ADAMTS6: variants seen among roughly 807,000 people sequenced by gnomAD.
The protein encoded by ADAMTS6 is ADAM metallopeptidase with thrombospondin type 1 motif 6, also known as A disintegrin and metalloproteinase with thrombospondin motifs 6.
Under a neutral mutation model 144.3 loss-of-function variants are expected in ADAMTS6, and 23 were observed. The observed-to-expected ratio is 0.16, with a 90% CI of 0.11 to 0.23. The LOEUF (loss-of-function observed/expected upper bound fraction) is 0.23. Among genes scored for constraint, ADAMTS6 ranks in the 10% least tolerant of loss-of-function variants. ADAMTS6 has a pLI of 1.00. For synonymous variants in ADAMTS6, 444 were observed against 457.5 expected (o/e 0.97, Z 0.38); for missense variants, 999 against 1,379.6 (o/e 0.72, Z 4.37).
intron 7 of ADAMTS6, among the ~76,000 whole-genome samples, chr5:65,414,968 G>GA (rs777754551): frequency 2.6e-5 from 4 of 151,732 alleles, no homozygotes; most frequent in Non-Finnish European, 5.9e-5. Context: ...AGTAATGAAA[G>GA]AAAAAAACAG....
At chr5:65,423,562 A>G (rs955830732) in intron 7 of ADAMTS6, among the ~76,000 whole-genome samples, 3 of 152,146 alleles carry the variant, frequency 2.0e-5, no homozygotes, top group Non-Finnish European at 4.4e-5. Flanking sequence ...AATCTTCAAT[A>G]CCATCAGCTG....
Position 65,225,001 on chromosome 5 carries a change from C to G in ADAMTS6, c.2114G>C (p.Arg705Thr), listed in dbSNP as rs755911694. 6 of 1,614,134 alleles carry G rather than the reference C, an allele frequency of 3.7e-6. No homozygotes were observed. The highest frequency in any genetic ancestry group is 4.2e-6 in the Non-Finnish European group (5 of 1,180,012). Reference protein sequence around the residue: ...NILGSDAREDRCRVCGGDGST... With the variant: ...NILGSDAREDTCRVCGGDGST... ...TCCGTCCCCTCCACAGACTCGACAT[C>G]TATCTTCCCTAGCATCAGATCCCAA... The change falls in exon 17 of 25, where the codon AGA becomes ACA. Residue 705 changes from arginine to threonine, a missense_variant. Physicochemically the swap from Arg to Thr is moderately conservative, Grantham distance 71 (BLOSUM62 -1). Around this residue, in one of 3 missense-constraint regions of ADAMTS6, gnomAD observed 619 missense variants for 837.0 expected, o/e 0.74. Transcript: ENST00000381055.
At chr5:65,404,702 A>T (rs1754283774) in intron 7 of ADAMTS6, among the ~76,000 whole-genome samples, 2 of 152,290 alleles carry the variant, frequency 1.3e-5, no homozygotes, top group African/African-American at 4.8e-5. Flanking sequence ...CTAGTCCTAG[A>T]TCCTTGAGGA....
intron 7 of ADAMTS6, among the ~76,000 whole-genome samples, chr5:65,393,276 C>T (rs1418654717): frequency 6.6e-6 from 1 of 152,130 alleles, no homozygotes; most frequent in Non-Finnish European, 1.5e-5. Context: ...ATTGCAAACT[C>T]CTTTTAAAAA....
chr5:65,212,349 G>C (rs1756591110), intron 20 of ADAMTS6, among the ~76,000 whole-genome samples: 1 of 149,850 alleles, frequency 6.7e-6, no homozygotes, highest in Non-Finnish European at 1.5e-5. Context: ...TCTAAGACCA[G>C]TAGCTCCAGA....
At chr5:65,477,743 C>A (rs1477118806) in intron 1 of ADAMTS6, among the ~76,000 whole-genome samples, 2 of 150,332 alleles carry the variant, frequency 1.3e-5, no homozygotes, top group Non-Finnish European at 2.9e-5. Flanking sequence ...TCCTTTATCA[C>A]TCCCTTGCTC....
At chr5:65,383,607 A>G (rs1177044547) in intron 7 of ADAMTS6, among the ~76,000 whole-genome samples, 1 of 152,080 alleles carries the variant, frequency 6.6e-6, no homozygotes, top group Non-Finnish European at 1.5e-5. Flanking sequence ...GGTGAAGCCC[A>G]CACTGCAGCT....
At chr5:65,321,745 T>C (rs1421468940) in intron 9 of ADAMTS6, among the ~76,000 whole-genome samples, 5 of 135,274 alleles carry the variant, frequency 3.7e-5, no homozygotes, top group Non-Finnish European at 7.8e-5. Context: ...AGACGGAGTC[T>C]CGCTCTGTCA....
chr5:65,374,518 A>G (rs1751310446), intron 7 of ADAMTS6, among the ~76,000 whole-genome samples: 3 of 151,318 alleles, frequency 2.0e-5, no homozygotes, highest in African/African-American at 4.9e-5. Context: ...AATTGCTTCA[A>G]AGAGAATAAA....
chr5:65,400,229 G>C (rs1239079581), intron 7 of ADAMTS6, among the ~76,000 whole-genome samples: 1 of 151,956 alleles, frequency 6.6e-6, no homozygotes, highest in South Asian at 2.1e-4. Context: ...TAGAGATAGG[G>C]TCTCACTCTG....
intron 7 of ADAMTS6, among the ~76,000 whole-genome samples, chr5:65,403,875 C>A (rs10065799): frequency 6.6e-6 from 1 of 151,822 alleles, no homozygotes; most frequent in Non-Finnish European, 1.5e-5. Flanking sequence ...TAAAATGTAA[C>A]CTCTTCAGAA....
At chr5:65,163,511 A>G (rs1288139733) in intron 24 of ADAMTS6, among the ~76,000 whole-genome samples, 1 of 152,208 alleles carries the variant, frequency 6.6e-6, no homozygotes, top group African/African-American at 2.4e-5. Flanking sequence ...AGGTGTCTGG[A>G]TCTTGTCATA....
At chr5:65,212,224 C>A (rs2112315251) in intron 20 of ADAMTS6, among the ~76,000 whole-genome samples, 1 of 152,316 alleles carries the variant, frequency 6.6e-6, no homozygotes, top group Admixed American at 6.5e-5. Flanking sequence ...AAACAAATGG[C>A]AGCTCTTTAC....
At position 65,333,946 on chromosome 5, in the gene ADAMTS6, A is replaced by C. The variant is rs1267699902; in HGVS notation, c.1117+96T>G. ...AAGGAAAATGACCAAATTAATAATA[A>C]AGATTAAAGTCATTGGTCCAAAAAG... On this transcript the variant is annotated intron_variant, in intron 8 of 24. Transcript: ENST00000381055. 5 of 1,200,760 alleles carry C rather than the reference A, an allele frequency of 4.2e-6. No individual in the cohort carries two copies. The African/African-American group carries it at 8.1e-5, about 19-fold the overall frequency. 74.4% of individuals were successfully genotyped at this position (1,200,760 alleles called of 1,614,324 possible).
rs1199225060 is a variant in ADAMTS6, at chr5:65,346,678, T to G, written c.1074-12593A>C. Reference sequence around the variant, plus strand: ...AAAAGGAAAAAGAACAAGAAAAAAATAAAAGACACAAACATTTGAAAGAAA... The same window carrying G: ...AAAAGGAAAAAGAACAAGAAAAAAAGAAAAGACACAAACATTTGAAAGAAA... On this transcript the variant is annotated intron_variant, in intron 7 of 24. Transcript: ENST00000381055. Among the ~76,000 whole-genome samples the G allele has an allele frequency of 2.0e-5, 3 of 151,122 alleles. No homozygotes were observed. In the South Asian group the frequency reaches 6.3e-4, roughly 32 times the overall value.
At chr5:65,356,845 G>A (rs1224572040) in intron 7 of ADAMTS6, among the ~76,000 whole-genome samples, 1 of 151,846 alleles carries the variant, frequency 6.6e-6, no homozygotes. Flanking sequence ...CAGAGAATAA[G>A]CATTGAAGGT....
intron 7 of ADAMTS6, among the ~76,000 whole-genome samples, chr5:65,424,951 G>A (rs1033133295): frequency 6.6e-6 from 1 of 151,786 alleles, no homozygotes; most frequent in African/African-American, 2.4e-5. Flanking sequence ...TACTCCCTTG[G>A]TTTCAACTCT....
chr5:65,464,075 T>TCTAG (rs2150271264), intron 3 of ADAMTS6, among the ~76,000 whole-genome samples: 2 of 152,318 alleles, frequency 1.3e-5, no homozygotes, highest in South Asian at 2.1e-4. Context: ...AATAAGAGAT[T>TCTAG]CTAGATCACC....
chr5:65,433,258 A>G (rs1041492888), intron 7 of ADAMTS6, among the ~76,000 whole-genome samples: 1 of 152,162 alleles, frequency 6.6e-6, no homozygotes, highest in Non-Finnish European at 1.5e-5. Context: ...CACACAGTTA[A>G]TAATAGCTCC....
Sources: allele counts gnomAD v4.1 joint callset (sites outside exome capture counted in the v4.1 genomes callset), GRCh38; gene constraint gnomAD v4.1.1; regional missense constraint gnomAD v4.1.1; transcripts MANE v1.5; gene names NCBI Gene and HGNC (gene_info 2026-07-23, HGNC 2026-07-21).